The following ESR1 variants were observed in gnomAD, a reference collection of about 807,000 sequenced individuals.
The protein encoded by ESR1 is estrogen receptor 1, also known as estrogen receptor.
ESR1 carries 12 observed loss-of-function variants against 52.7 expected under a neutral mutation model. The ratio of observed to expected loss-of-function variants is 0.23; its 90% CI spans 0.15 to 0.37. The LOEUF (loss-of-function observed/expected upper bound fraction) is 0.37, where lower values mean the gene tolerates loss of function less well. ESR1 is among the 10% of genes least tolerant of loss of function. The pLI is 1.00. For synonymous variants in ESR1, 305 were observed against 316.8 expected (o/e 0.96, Z 0.39); for missense variants, 584 against 779.7 (o/e 0.75, Z 2.99).
At position 151,669,189 on chromosome 6, in the gene ESR1, A is replaced by AG. The variant is rs774737323; in HGVS notation, n.73+12426_73+12427insG. On this transcript the variant is annotated intron_variant and non_coding_transcript_variant, in intron 1 of 2. Coordinates refer to the ESR1 transcript ENST00000473497. ...GAGAGAGAGAGAGAGAGAGAGAGAG[A>AG]TGGGAATCCAGGGGAGAACAGAACA... 2.1e-4 allele frequency among the ~76,000 whole-genome samples: 18 copies of AG among 87,140 alleles called. 2 individuals are homozygous for AG. Among genetic ancestry groups the AG allele is most frequent in the South Asian group, 4.8e-4 (1 of 2,104 alleles). 57.2% of individuals were successfully genotyped at this position (87,140 alleles called of 152,430 possible).
intron 4 of ESR1, among the ~76,000 whole-genome samples, chr6:151,960,931 G>A (rs896053015): frequency 2.0e-5 from 3 of 152,210 alleles, no homozygotes; most frequent in South Asian, 2.1e-4. Context: ...GGCGTAGTAT[G>A]TGAGAGAAAG....
In ESR1 at chr6:152,122,722, G is replaced by A. The variant is rs769678935; in HGVS notation, c.851-2544G>A. The A allele has an allele frequency of 1.1e-5, 17 of 1,611,324 alleles. No homozygotes were observed. In the South Asian group the frequency reaches 1.9e-4, roughly 18 times the overall value. On this transcript the variant is annotated intron_variant, in intron 6 of 6. Transcript: ENST00000427531. ...AATTACTCAGATAACTCCAGTGTCG[G>A]AGGGACGCTGCTTTTTGCCTCTGCA... is the stretch of plus-strand genomic sequence containing the variant.
At chr6:151,824,808 C>A in intron 1 of ESR1, among the ~76,000 whole-genome samples, 1 of 151,976 alleles carries the variant, frequency 6.6e-6, no homozygotes, top group East Asian at 1.9e-4. Context: ...GCAGTCCCAG[C>A]TGCTTGGGAG....
At chr6:152,001,746 A>G (rs2041963295) in intron 4 of ESR1, among the ~76,000 whole-genome samples, 1 of 152,060 alleles carries the variant, frequency 6.6e-6, no homozygotes, top group Admixed American at 6.6e-5. Flanking sequence ...GTGGGGTGGA[A>G]GACACTGAAA....
intron 4 of ESR1, among the ~76,000 whole-genome samples, chr6:151,997,357 G>A (rs2041583649): frequency 1.3e-5 from 2 of 152,058 alleles, no homozygotes; most frequent in Non-Finnish European, 2.9e-5. Flanking sequence ...TGAGACATTA[G>A]GTCACTATAA....
intron 3 of ESR1, among the ~76,000 whole-genome samples, chr6:151,920,766 G>A (rs182438731): frequency 8.7e-4 from 133 of 152,132 alleles, no homozygotes; most frequent in Admixed American, 1.8e-3. Context: ...TCATCACATC[G>A]TATCAAGGGT....
chr6:152,108,479 C>T (rs144185798), intron 6 of ESR1, among the ~76,000 whole-genome samples: 37 of 152,308 alleles, frequency 2.4e-4, no homozygotes, highest in Non-Finnish European at 4.3e-4. Context: ...CAATTTTGTT[C>T]AACCTTATAG....
chr6:151,956,738 A>T (rs2036958648), intron 4 of ESR1, among the ~76,000 whole-genome samples: 1 of 150,360 alleles, frequency 6.7e-6, no homozygotes, highest in African/African-American at 2.4e-5. Flanking sequence ...TCCAAAAAAA[A>T]CAACCCTTCT....
chr6:151,867,053 A>C (rs1583806549), intron 2 of ESR1, among the ~76,000 whole-genome samples: 1 of 152,152 alleles, frequency 6.6e-6, no homozygotes, highest in African/African-American at 2.4e-5. Flanking sequence ...GGGAAAACTG[A>C]CTAGCCATAT....
chr6:152,071,442 A>G (rs2048344509), intron 6 of ESR1, among the ~76,000 whole-genome samples: 3 of 152,068 alleles, frequency 2.0e-5, no homozygotes, highest in African/African-American at 7.2e-5. Context: ...CCTTTCTGCT[A>G]TTTCTTAGCT....
At chr6:152,065,522 A>G (rs142294944) in intron 6 of ESR1, among the ~76,000 whole-genome samples, 2 of 152,322 alleles carry the variant, frequency 1.3e-5, no homozygotes, top group African/African-American at 4.8e-5. Context: ...CATTCAATTT[A>G]ATAATTATTT....
At chr6:151,944,624 A>C in intron 4 of ESR1, 116 bp downstream of exon 4, 2 of 894,724 alleles carry the variant, frequency 2.2e-6, no homozygotes, top group Non-Finnish European at 3.6e-6. Flanking sequence ...AATTGGTTTC[A>C]AGGTTACAGG....
chr6:152,022,206 T>A (rs1373805150), intron 5 of ESR1, among the ~76,000 whole-genome samples: 1 of 152,136 alleles, frequency 6.6e-6, no homozygotes, highest in Non-Finnish European at 1.5e-5. Context: ...AAGCAGAACC[T>A]GAGAGCATGC....
intron 2 of ESR1, among the ~76,000 whole-genome samples, chr6:151,873,391 G>A (rs888158257): frequency 6.6e-6 from 1 of 152,154 alleles, no homozygotes; most frequent in Admixed American, 6.5e-5. Flanking sequence ...GGCATGTGAT[G>A]TTCAGTACCT....
At chr6:151,845,716 T>C (rs961718163) in intron 2 of ESR1, among the ~76,000 whole-genome samples, 1 of 152,200 alleles carries the variant, frequency 6.6e-6, no homozygotes, top group Non-Finnish European at 1.5e-5. Flanking sequence ...TGTATCATAG[T>C]GTGAAGTCAC....
chr6:151,800,465 T>C (rs977095260), upstream of ESR1, among the ~76,000 whole-genome samples: 13 of 152,140 alleles, frequency 8.5e-5, no homozygotes, highest in African/African-American at 2.4e-4. Context: ...GCCCTAACAC[T>C]CAATGTGACT....
At chr6:151,842,943 G>C in intron 2 of ESR1, 156 bp downstream of exon 2, 1 of 682,442 alleles carries the variant, frequency 1.5e-6, no homozygotes, top group Non-Finnish European at 2.6e-6. Flanking sequence ...ATGGAGAAGA[G>C]ACAGGATCTC....
At chr6:152,035,855 C>A (rs534477750) in intron 5 of ESR1, among the ~76,000 whole-genome samples, 1 of 151,900 alleles carries the variant, frequency 6.6e-6, no homozygotes, top group East Asian at 1.9e-4. Context: ...CAATTGATAT[C>A]TACATAGAAA....
rs73781640 is a variant in ESR1, at chr6:152,111,501, T to C, written c.851-13765T>C. Among the ~76,000 whole-genome samples, 519 of 152,302 alleles carry C rather than the reference T, an allele frequency of 3.4e-3. 2 individuals carry two copies. Among genetic ancestry groups the C allele is most frequent in the African/African-American group, 0.012 (494 of 41,560 alleles). On this transcript the variant is annotated intron_variant, in intron 6 of 6. Transcript: ENST00000427531. ...AACCTGCCATCAGCTGCCTTTTCATTGAGAAATCAGTAATTGTGGGAAAGG... is the reference window on the plus strand; with the variant it reads ...AACCTGCCATCAGCTGCCTTTTCATCGAGAAATCAGTAATTGTGGGAAAGG...
Sources: gnomAD v4.1 joint callset for allele counts (sites outside exome capture counted in the v4.1 genomes callset) on GRCh38, gnomAD v4.1.1 for gene constraint, MANE v1.5 for transcripts, NCBI Gene and HGNC (gene_info 2026-07-23, HGNC 2026-07-21) for gene names.